GRID2: variants seen among roughly 807,000 people sequenced by gnomAD.
GRID2 encodes glutamate ionotropic receptor delta type subunit 2.
In GRID2, 33 loss-of-function variants were observed where a neutral mutation model predicts 114.8. The ratio of observed to expected loss-of-function variants is 0.29; its 90% CI spans 0.22 to 0.38. The LOEUF is 0.38. GRID2 is among the 10% of genes least tolerant of loss of function. The pLI is 1.00. For missense variants in GRID2, 1,184 were observed against 1,257.7 expected, an observed-to-expected ratio of 0.94 and a Z score of 0.89; for synonymous variants, 505 against 449.9, an observed-to-expected ratio of 1.12 and a Z score of -1.55.
chr4:93,209,211 T>G (rs967323346), intron 5 of GRID2, among the ~76,000 whole-genome samples: 1 of 151,976 alleles, frequency 6.6e-6, no homozygotes, highest in African/African-American at 2.4e-5. Context: ...TTAAGCCTAG[T>G]GCTCATTAGT....
At chr4:93,023,322 G>C (rs1490265072) in intron 2 of GRID2, among the ~76,000 whole-genome samples, 1 of 151,754 alleles carries the variant, frequency 6.6e-6, no homozygotes, top group South Asian at 2.1e-4. Context: ...AATCTGTAGT[G>C]AAATATTTCA....
intron 14 of GRID2, among the ~76,000 whole-genome samples, chr4:93,757,729 G>A (rs572252807): frequency 6.6e-6 from 1 of 152,340 alleles, no homozygotes; most frequent in South Asian, 2.1e-4. Context: ...GCAGAGGCGG[G>A]TGAATCATCT....
At chr4:93,567,402 G>T (rs62320406) in intron 13 of GRID2, among the ~76,000 whole-genome samples, 4 of 152,078 alleles carry the variant, frequency 2.6e-5, no homozygotes, top group Non-Finnish European at 5.9e-5. Context: ...AAGCAAGGAA[G>T]TTTCCAACTT....
chr4:92,624,860 C>T (rs953487835), intron 2 of GRID2, among the ~76,000 whole-genome samples: 1 of 151,576 alleles, frequency 6.6e-6, no homozygotes, highest in African/African-American at 2.4e-5. Flanking sequence ...AGTATAAATA[C>T]AATCTGAAAG....
At chr4:93,215,066 A>T (rs543931056) in intron 5 of GRID2, among the ~76,000 whole-genome samples, 6 of 152,134 alleles carry the variant, frequency 3.9e-5, no homozygotes, top group African/African-American at 1.4e-4. Context: ...GTTAGCAGAA[A>T]ATGAGATAAT....
intron 2 of GRID2, among the ~76,000 whole-genome samples, chr4:92,676,927 A>G (rs554823951): frequency 6.6e-6 from 1 of 152,344 alleles, no homozygotes; most frequent in South Asian, 2.1e-4. Flanking sequence ...CATATAATGC[A>G]ATATTATCCA....
chr4:92,570,953 G>A (rs1727582576), intron 1 of GRID2, among the ~76,000 whole-genome samples: 1 of 151,976 alleles, frequency 6.6e-6, no homozygotes, highest in African/African-American at 2.4e-5. Context: ...TCTTTTGCCT[G>A]ATTGCCCTGG....
At chr4:92,583,734 CATTT>C (rs997367333) in intron 1 of GRID2, among the ~76,000 whole-genome samples, 2 of 149,774 alleles carry the variant, frequency 1.3e-5, no homozygotes, top group East Asian at 3.9e-4. Context: ...CAAATAAGCA[CATTT>C]ATTACATACA....
At chr4:93,159,440 C>T (rs1737478371) in intron 4 of GRID2, among the ~76,000 whole-genome samples, 1 of 151,694 alleles carries the variant, frequency 6.6e-6, no homozygotes, top group African/African-American at 2.4e-5. Context: ...AGATAGGATG[C>T]TCCTTCATCA....
intron 4 of GRID2, among the ~76,000 whole-genome samples, chr4:93,135,185 G>C (rs908657131): frequency 6.6e-6 from 1 of 152,076 alleles, no homozygotes; most frequent in Non-Finnish European, 1.5e-5. Flanking sequence ...TAAAATGTTC[G>C]GTGAAGTCTT....
intron 2 of GRID2, among the ~76,000 whole-genome samples, chr4:92,849,101 T>C (rs1383590151): frequency 6.6e-6 from 1 of 151,956 alleles, no homozygotes; most frequent in Non-Finnish European, 1.5e-5. Flanking sequence ...ATCCTGTATA[T>C]GCCGCCTACC....
intron 14 of GRID2, among the ~76,000 whole-genome samples, chr4:93,696,535 A>G (rs1206021681): frequency 6.6e-6 from 1 of 152,208 alleles, no homozygotes; most frequent in Non-Finnish European, 1.5e-5. Context: ...ATTCACATAG[A>G]AAAATGAAAG....
At chr4:93,329,360 C>A (rs1445642624) in intron 8 of GRID2, among the ~76,000 whole-genome samples, 1 of 152,026 alleles carries the variant, frequency 6.6e-6, no homozygotes, top group Non-Finnish European at 1.5e-5. Flanking sequence ...TTAAATGCTC[C>A]CTTCATTGCA....
chr4:92,919,459 G>C (rs1265248428), intron 2 of GRID2, among the ~76,000 whole-genome samples: 1 of 152,136 alleles, frequency 6.6e-6, no homozygotes, highest in African/African-American at 2.4e-5. Context: ...GTCAATTTTA[G>C]ATCTTTCCTG....
At chr4:92,354,647 G>T (rs1318431094) in intron 1 of GRID2, among the ~76,000 whole-genome samples, 1 of 151,904 alleles carries the variant, frequency 6.6e-6, no homozygotes, top group Non-Finnish European at 1.5e-5. Context: ...ACATTATACA[G>T]ATTGTGTCAG....
chr4:92,409,294 C>G (rs1388907862), intron 1 of GRID2, among the ~76,000 whole-genome samples: 5 of 152,026 alleles, frequency 3.3e-5, no homozygotes, highest in African/African-American at 1.2e-4. Context: ...CCTTATTTCC[C>G]TCATTACAGA....
At chr4:93,168,159 A>C (rs577083444) in intron 4 of GRID2, among the ~76,000 whole-genome samples, 8 of 152,040 alleles carry the variant, frequency 5.3e-5, no homozygotes, top group African/African-American at 1.4e-4. Context: ...TTGAGATCGC[A>C]GCACTGCACT....
intron 8 of GRID2, among the ~76,000 whole-genome samples, chr4:93,373,531 T>G (rs568676169): frequency 1.3e-5 from 2 of 152,278 alleles, no homozygotes; most frequent in African/African-American, 4.8e-5. Flanking sequence ...AGAATCATAT[T>G]TTATATATCT....
At chr4:93,227,055 C>T (rs748726715) in intron 7 of GRID2, among the ~76,000 whole-genome samples, 33 of 152,208 alleles carry the variant, frequency 2.2e-4, no homozygotes, top group Non-Finnish European at 3.5e-4. Context: ...TTGGGCATAT[C>T]CCCTGAAATC....
Sources: gnomAD v4.1 joint callset for allele counts (sites outside exome capture counted in the v4.1 genomes callset) on GRCh38, gnomAD v4.1.1 for gene constraint, MANE v1.5 for transcripts, NCBI Gene and HGNC (gene_info 2026-07-23, HGNC 2026-07-21) for gene names.